Variants in CCSER1 observed in about 807,000 individuals in gnomAD.
CCSER1 encodes the protein serine-rich coiled-coil domain-containing protein 1.
Under a neutral mutation model 82.0 loss-of-function variants are expected in CCSER1, and 41 were observed. That is an observed-to-expected ratio of 0.50 (90% CI 0.39 to 0.65). The LOEUF is 0.65. Ranked by LOEUF, CCSER1 falls within the 30% of genes least tolerant of loss-of-function variation. The pLI is 0.00. For missense variants in CCSER1, 1,119 were observed against 1,064.2 expected, an observed-to-expected ratio of 1.05 and a Z score of -0.72; for synonymous variants, 414 against 383.9, an observed-to-expected ratio of 1.08 and a Z score of -0.92.
In CCSER1 at chr4:91,311,444, T is replaced by C. The variant is rs139731522; in HGVS notation, c.2217+225450T>C. Among the ~76,000 whole-genome samples, 672 of 152,008 alleles carry C rather than the reference T, an allele frequency of 4.4e-3. 4 individuals carry two copies. Among genetic ancestry groups the C allele is most frequent in the African/African-American group, 0.016 (647 of 41,532 alleles). On this transcript the variant is annotated intron_variant, in intron 10 of 10. Transcript: ENST00000509176. ...ACTTTGACATAGATTTTTTTCCTAA[T>C]AGTAGATGCTAATAGAGACAATATT...
intron 5 of CCSER1, among the ~76,000 whole-genome samples, chr4:90,534,222 A>C (rs888897328): frequency 3.9e-5 from 6 of 152,142 alleles, no homozygotes; most frequent in Non-Finnish European, 7.4e-5. Context: ...CTCTGCCTCC[A>C]GGGTTCACGC....
intron 10 of CCSER1, among the ~76,000 whole-genome samples, chr4:91,277,526 C>CT (rs552319172): frequency 0.066 from 6,644 of 99,968 alleles, 274 homozygotes; most frequent in East Asian, 0.19. Context: ...CCATTTTGTC[C>CT]TTTTTTTTTT....
intron 5 of CCSER1, among the ~76,000 whole-genome samples, chr4:90,510,427 T>C (rs1035201007): frequency 1.3e-5 from 2 of 152,194 alleles, no homozygotes; most frequent in Non-Finnish European, 2.9e-5. Context: ...GTAGAAACTA[T>C]AACATTAATT....
intron 1 of CCSER1, among the ~76,000 whole-genome samples, chr4:90,227,561 T>A (rs961464193): frequency 2.0e-5 from 3 of 152,162 alleles, no homozygotes; most frequent in Admixed American, 2.0e-4. Context: ...CTATGAGGAA[T>A]TTTCCGAGCA....
intron 6 of CCSER1, among the ~76,000 whole-genome samples, chr4:90,705,707 G>T (rs1298976105): frequency 6.6e-6 from 1 of 152,178 alleles, no homozygotes; most frequent in Non-Finnish European, 1.5e-5. Context: ...TGCCTCCTTT[G>T]CAGTTGGATC....
At chr4:91,005,635 G>A (rs1326053517) in intron 9 of CCSER1, among the ~76,000 whole-genome samples, 1 of 152,132 alleles carries the variant, frequency 6.6e-6, no homozygotes, top group Non-Finnish European at 1.5e-5. Flanking sequence ...TTGTTGTACA[G>A]CAGATCTCTA....
chr4:90,879,654 AGAAGAG>A (rs1720983782), intron 8 of CCSER1, among the ~76,000 whole-genome samples: 1 of 151,798 alleles, frequency 6.6e-6, no homozygotes, highest in African/African-American at 2.4e-5. Context: ...AAGAGGAAGA[AGAAGAG>A]GAAAGAAGAA....
At chr4:90,398,184 C>T (rs984079897) in intron 3 of CCSER1, among the ~76,000 whole-genome samples, 4 of 152,132 alleles carry the variant, frequency 2.6e-5, no homozygotes, top group African/African-American at 9.7e-5. Context: ...CTGTCTGTGT[C>T]CTAATCTATT....
chr4:90,392,184 A>G (rs1380613947), intron 3 of CCSER1, among the ~76,000 whole-genome samples: 1 of 151,982 alleles, frequency 6.6e-6, no homozygotes, highest in Non-Finnish European at 1.5e-5. Flanking sequence ...TGAAATAGGA[A>G]GTTTTCTACT....
intron 1 of CCSER1, among the ~76,000 whole-genome samples, chr4:90,239,654 T>C (rs987213908): frequency 6.6e-6 from 1 of 152,174 alleles, no homozygotes; most frequent in African/African-American, 2.4e-5. Flanking sequence ...TTTTTAATTT[T>C]TTTTTGTAAA....
At chr4:91,186,388 C>T (rs1734535845) in intron 10 of CCSER1, among the ~76,000 whole-genome samples, 2 of 152,104 alleles carry the variant, frequency 1.3e-5, no homozygotes, top group South Asian at 4.1e-4. Flanking sequence ...CTTCCGAGCT[C>T]CCCTTCTTAC....
intron 9 of CCSER1, among the ~76,000 whole-genome samples, chr4:91,018,707 C>T (rs1227271110): frequency 6.6e-6 from 1 of 151,918 alleles, no homozygotes; most frequent in Non-Finnish European, 1.5e-5. Flanking sequence ...GTTTCAGACA[C>T]CTGAGTCCTT....
chr4:91,184,438 C>T (rs1734337845), intron 10 of CCSER1, among the ~76,000 whole-genome samples: 2 of 152,296 alleles, frequency 1.3e-5, no homozygotes, highest in South Asian at 4.1e-4. Context: ...AGAAGGCAAT[C>T]CTGGCTTTAA....
intron 1 of CCSER1, among the ~76,000 whole-genome samples, chr4:90,189,412 G>A (rs1022243018): frequency 1.3e-5 from 2 of 151,890 alleles, no homozygotes; most frequent in Admixed American, 6.6e-5. Context: ...TGACCTCTCA[G>A]TGCCCCTTGC....
chr4:90,374,102 T>G (rs1392983969), intron 3 of CCSER1, among the ~76,000 whole-genome samples: 2 of 152,230 alleles, frequency 1.3e-5, no homozygotes, highest in East Asian at 3.9e-4. Flanking sequence ...AGGTAAAATC[T>G]TAGACCCTTC....
chr4:90,146,012 T>G (rs1447319650), intron 1 of CCSER1, among the ~76,000 whole-genome samples: 3 of 152,044 alleles, frequency 2.0e-5, no homozygotes, highest in Non-Finnish European at 2.9e-5. Flanking sequence ...GGAAGCTAAC[T>G]GTTATTATCT....
chr4:90,598,984 C>A (rs1447453769), intron 5 of CCSER1, among the ~76,000 whole-genome samples: 1 of 152,158 alleles, frequency 6.6e-6, no homozygotes, highest in Admixed American at 6.5e-5. Context: ...TGCACTCTAG[C>A]AGTGGCTCTG....
chr4:90,931,976 C>A (rs966047015), intron 9 of CCSER1, among the ~76,000 whole-genome samples: 9 of 151,960 alleles, frequency 5.9e-5, no homozygotes, highest in African/African-American at 2.2e-4. Context: ...CCATAGAGAG[C>A]TAAAGGGAAA....
At chr4:91,325,585 C>G (rs1203736762) in intron 10 of CCSER1, among the ~76,000 whole-genome samples, 1 of 152,088 alleles carries the variant, frequency 6.6e-6, no homozygotes, top group Non-Finnish European at 1.5e-5. Flanking sequence ...AGATTTTCAG[C>G]ACAAAGATCA....
Sources: gnomAD v4.1 joint callset for allele counts (sites outside exome capture counted in the v4.1 genomes callset) on GRCh38, gnomAD v4.1.1 for gene constraint, MANE v1.5 for transcripts, NCBI Gene and HGNC (gene_info 2026-07-23, HGNC 2026-07-21) for gene names.